The following GRM8 variants were observed in gnomAD, a reference collection of about 807,000 sequenced individuals.
The protein encoded by GRM8 is metabotropic glutamate receptor 8.
A neutral mutation model predicts 87.2 loss-of-function variants in GRM8; 47 were observed. The ratio of observed to expected loss-of-function variants is 0.54; its 90% confidence interval spans 0.43 to 0.69. The LOEUF (loss-of-function observed/expected upper bound fraction) is 0.69, where lower values mean the gene tolerates loss of function less well. Ranked by LOEUF, GRM8 falls within the 30% of genes least tolerant of loss-of-function variation. The pLI, the probability that GRM8 is intolerant of heterozygous loss-of-function variation, is 0.00. For synonymous variants in GRM8, 396 were observed against 404.5 expected (o/e 0.98, Z 0.25); for missense variants, 1,019 against 1,139.2 (o/e 0.89, Z 1.52).
chr7:126,572,607 G>A (rs1246812439), intron 8 of GRM8, among the ~76,000 whole-genome samples: 1 of 152,146 alleles, frequency 6.6e-6, no homozygotes, highest in African/African-American at 2.4e-5. Flanking sequence ...ACTATCAATT[G>A]AAATGTAAGC....
chr7:126,954,775 A>G (rs993186621), intron 3 of GRM8, among the ~76,000 whole-genome samples: 2 of 152,336 alleles, frequency 1.3e-5, no homozygotes, highest in African/African-American at 4.8e-5. Flanking sequence ...TATGTATTCA[A>G]TACATGCTTG....
intron 7 of GRM8, among the ~76,000 whole-genome samples, chr7:126,681,027 T>C (rs1022320796): frequency 6.6e-6 from 1 of 152,178 alleles, no homozygotes; most frequent in Non-Finnish European, 1.5e-5. Context: ...TAATAAGAAG[T>C]TATTCAGGAA....
At chr7:126,769,699 A>G (rs963977680) in intron 7 of GRM8, among the ~76,000 whole-genome samples, 166 bp downstream of exon 7, 8 of 152,240 alleles carry the variant, frequency 5.3e-5, no homozygotes, top group African/African-American at 1.9e-4. Context: ...CATAAAAAAT[A>G]TGTTTGAGAT....
At chr7:126,659,129 C>G (rs1804870321) in intron 7 of GRM8, among the ~76,000 whole-genome samples, 1 of 147,578 alleles carries the variant, frequency 6.8e-6, no homozygotes, top group Non-Finnish European at 1.5e-5. Context: ...TTAGAGAATT[C>G]AGCTGCCTTC....
At chr7:127,156,571 C>G (rs1050812504) in intron 2 of GRM8, among the ~76,000 whole-genome samples, 4 of 152,128 alleles carry the variant, frequency 2.6e-5, no homozygotes, top group African/African-American at 9.7e-5. Flanking sequence ...CCATCACCCT[C>G]CTCTTCTTAA....
intron 2 of GRM8, among the ~76,000 whole-genome samples, chr7:127,222,803 C>T (rs1391702004): frequency 6.6e-6 from 1 of 152,148 alleles, no homozygotes; most frequent in Non-Finnish European, 1.5e-5. Flanking sequence ...GGTTAAGCAA[C>T]AAATACATGG....
chr7:126,920,474 A>G (rs1229419412), intron 3 of GRM8, among the ~76,000 whole-genome samples: 2 of 152,136 alleles, frequency 1.3e-5, no homozygotes, highest in Non-Finnish European at 2.9e-5. Context: ...CCAGAATAGA[A>G]AAAGCTCAGT....
chr7:126,818,281 C>T (rs1793978346), intron 6 of GRM8, among the ~76,000 whole-genome samples: 2 of 152,104 alleles, frequency 1.3e-5, no homozygotes, highest in Non-Finnish European at 2.9e-5. Context: ...TTCCATAAAT[C>T]TTAGGAAACG....
chr7:126,664,559 T>G (rs920117482), intron 7 of GRM8, among the ~76,000 whole-genome samples: 3 of 152,218 alleles, frequency 2.0e-5, no homozygotes, highest in Non-Finnish European at 4.4e-5. Flanking sequence ...CTGGGATAAC[T>G]GGCTAGCCAT....
intron 7 of GRM8, among the ~76,000 whole-genome samples, chr7:126,642,676 C>T (rs1005156927): frequency 1.3e-4 from 20 of 151,908 alleles, no homozygotes; most frequent in African/African-American, 4.4e-4. Flanking sequence ...AATAATAATG[C>T]TGTAATACAA....
At chr7:127,045,304 A>C (rs1818815084) in intron 3 of GRM8, among the ~76,000 whole-genome samples, 1 of 150,092 alleles carries the variant, frequency 6.7e-6, no homozygotes, top group Non-Finnish European at 1.5e-5. Context: ...CTATTTCATT[A>C]TCTGGAGTTT....
chr7:126,970,592 T>C (rs1266244982), intron 3 of GRM8, among the ~76,000 whole-genome samples: 2 of 152,166 alleles, frequency 1.3e-5, no homozygotes, highest in Non-Finnish European at 2.9e-5. Flanking sequence ...AAAAACTTTC[T>C]CTATATCAGC....
intron 6 of GRM8, among the ~76,000 whole-genome samples, chr7:126,803,649 T>A (rs1286821229): frequency 6.6e-6 from 1 of 152,200 alleles, no homozygotes; most frequent in Non-Finnish European, 1.5e-5. Flanking sequence ...GATTTAAGCA[T>A]TGTTCTATGA....
intron 2 of GRM8, among the ~76,000 whole-genome samples, chr7:127,124,129 C>T (rs1314885784): frequency 6.6e-6 from 1 of 152,138 alleles, no homozygotes; most frequent in Non-Finnish European, 1.5e-5. Flanking sequence ...AACCATTACT[C>T]AACTCCTCAT....
intron 2 of GRM8, among the ~76,000 whole-genome samples, chr7:127,170,541 G>A (rs1793733710): frequency 6.6e-6 from 1 of 152,174 alleles, no homozygotes; most frequent in Non-Finnish European, 1.5e-5. Flanking sequence ...GCTTTCACAT[G>A]CATGTATACA....
intron 6 of GRM8, among the ~76,000 whole-genome samples, chr7:126,844,638 A>G (rs377275775): frequency 6.6e-6 from 1 of 152,268 alleles, no homozygotes; most frequent in East Asian, 1.9e-4. Flanking sequence ...GTATTCTCTA[A>G]CAGTTTTGGA....
chr7:126,861,927 G>T (rs186048598), intron 6 of GRM8, among the ~76,000 whole-genome samples: 1 of 151,774 alleles, frequency 6.6e-6, no homozygotes, highest in Admixed American at 6.6e-5. Context: ...TGGTTGTGGT[G>T]TAGTTAAATT....
rs573373150 is a variant in GRM8, at chr7:127,004,685, A to G, written c.728-100002T>C. ...AATAACTTGGCTATCAGTTCTTGCT[A>G]TCCATCCTTTTACCTATACATATAA... On this transcript the variant is annotated intron_variant, in intron 3 of 10. Coordinates refer to ENST00000339582, the MANE Select transcript of GRM8 (RefSeq NM_000845.3). 4.0e-5 allele frequency among the ~76,000 whole-genome samples: 6 copies of G among 151,774 alleles called. No individual in the cohort carries two copies. In the South Asian group the frequency reaches 1.2e-3, roughly 31 times the overall value.
At chr7:127,035,329 T>C (rs1817750335) in intron 3 of GRM8, among the ~76,000 whole-genome samples, 1 of 152,144 alleles carries the variant, frequency 6.6e-6, no homozygotes, top group Non-Finnish European at 1.5e-5. Context: ...CTTGATTAGG[T>C]TGATTCACTC....
Sources: gnomAD v4.1 joint callset for allele counts (sites outside exome capture counted in the v4.1 genomes callset) on GRCh38, gnomAD v4.1.1 for gene constraint, MANE v1.5 for transcripts, NCBI Gene and HGNC (gene_info 2026-07-23, HGNC 2026-07-21) for gene names.